Variants in BMPR1B observed in about 807,000 individuals in gnomAD.
The protein encoded by BMPR1B is bone morphogenetic protein receptor type-1B.
Under a neutral mutation model 59.1 loss-of-function variants are expected in BMPR1B, and 12 were observed. The observed-to-expected ratio is 0.20, with a 90% CI of 0.13 to 0.33. BMPR1B has a LOEUF of 0.33. Among genes scored for constraint, BMPR1B ranks in the 10% least tolerant of loss-of-function variants. The probability of loss-of-function intolerance (pLI) is 1.00; values close to 1 mark genes in which losing one functional copy is unlikely to be tolerated. For missense variants in BMPR1B, 550 were observed against 610.9 expected (o/e 0.90, Z 1.05); for synonymous variants, 237 against 207.3 (o/e 1.14, Z -1.23).
At chr4:95,092,906 A>C (rs1730097195) in intron 3 of BMPR1B, among the ~76,000 whole-genome samples, 1 of 152,152 alleles carries the variant, frequency 6.6e-6, no homozygotes, top group Admixed American at 6.6e-5. Flanking sequence ...TACTTTGATT[A>C]GCTTCGGAAC....
intron 1 of BMPR1B, among the ~76,000 whole-genome samples, chr4:94,851,295 A>G (rs1238651650): frequency 6.6e-6 from 1 of 152,198 alleles, no homozygotes; most frequent in Non-Finnish European, 1.5e-5. Context: ...ATTGGTTTCT[A>G]TGAAAGTCTG....
chr4:94,892,705 G>C (rs1015085524), intron 2 of BMPR1B, among the ~76,000 whole-genome samples: 16 of 152,028 alleles, frequency 1.1e-4, no homozygotes, highest in African/African-American at 2.7e-4. Context: ...GTGAGAGATG[G>C]AGAAATATCC....
At chr4:95,067,615 A>G (rs1319160705) in intron 3 of BMPR1B, among the ~76,000 whole-genome samples, 1 of 152,216 alleles carries the variant, frequency 6.6e-6, no homozygotes, top group African/African-American at 2.4e-5. Flanking sequence ...AGTCTTGTAA[A>G]TAATAGACGT....
chr4:94,929,793 C>T (rs562191119), intron 2 of BMPR1B, among the ~76,000 whole-genome samples: 8 of 152,116 alleles, frequency 5.3e-5, no homozygotes, highest in Admixed American at 3.3e-4. Flanking sequence ...GATTTCTGCA[C>T]GTCTCCACTT....
chr4:95,155,629 G>GT lies in BMPR1B; in HGVS notation c.*957dup, dbSNP rs1735369063. The GT allele has an allele frequency of 6.6e-6, 1 of 151,778 alleles. No homozygotes were observed. The highest frequency in any genetic ancestry group is 2.4e-5 in the African/African-American group (1 of 41,364). The allele number at this position is 151,778 out of a possible 1,614,324, so 9.4% of individuals were successfully genotyped here. On this transcript the variant is annotated 3_prime_UTR_variant, in exon 13 of 13. Transcript: ENST00000515059. ...TTTCAAATAGAGGTAATTTGCTCTT[G>GT]TGTTGTAAGAGGAACATGTCAACAA...
chr4:94,827,643 A>G (rs1013883297), intron 1 of BMPR1B, among the ~76,000 whole-genome samples: 2 of 152,090 alleles, frequency 1.3e-5, no homozygotes, highest in Non-Finnish European at 1.5e-5. Flanking sequence ...TTCTTCTCCT[A>G]ATGATTCATT....
intron 4 of BMPR1B, among the ~76,000 whole-genome samples, chr4:95,112,969 A>T (rs942698879): frequency 6.6e-6 from 1 of 152,130 alleles, no homozygotes; most frequent in Non-Finnish European, 1.5e-5. Context: ...CCTTCCTGAT[A>T]TCATAAAATT....
chr4:95,017,761 G>A (rs983953231), intron 3 of BMPR1B, among the ~76,000 whole-genome samples: 1 of 152,064 alleles, frequency 6.6e-6, no homozygotes, highest in Admixed American at 6.5e-5. Context: ...GGGAAATTTG[G>A]GTCTTGAAAT....
At chr4:95,095,266 A>G (rs1339280889) in intron 3 of BMPR1B, among the ~76,000 whole-genome samples, 1 of 152,116 alleles carries the variant, frequency 6.6e-6, no homozygotes, top group African/African-American at 2.4e-5. Context: ...TTAAAAATTA[A>G]TATTGTTTTA....
At chr4:94,998,375 CTTTT>C (rs11327811) in intron 3 of BMPR1B, among the ~76,000 whole-genome samples, 4 of 138,054 alleles carry the variant, frequency 2.9e-5, no homozygotes, top group African/African-American at 2.6e-5. Context: ...TACACTACTC[CTTTT>C]TTTTTTTTTT....
At chr4:95,036,377 T>C (rs954357841) in intron 3 of BMPR1B, among the ~76,000 whole-genome samples, 13 of 152,164 alleles carry the variant, frequency 8.5e-5, no homozygotes, top group Middle Eastern at 3.2e-3. Context: ...CCCTTCCTAG[T>C]CTCTGGTAAC....
chr4:94,811,134 G>A (rs1460490252), intron 1 of BMPR1B, among the ~76,000 whole-genome samples: 1 of 152,178 alleles, frequency 6.6e-6, no homozygotes, highest in Non-Finnish European at 1.5e-5. Context: ...CTCAAAATGT[G>A]TAGTGCTCAA....
rs115018395 is a variant in BMPR1B, at chr4:95,142,193, A to C, written c.1077-6555A>C. 2.8e-3 allele frequency among the ~76,000 whole-genome samples: 425 copies of C among 152,320 alleles called. 3 individuals are homozygous for C. The highest frequency in any genetic ancestry group is 8.9e-3 in the African/African-American group (371 of 41,574). The stretch of plus-strand genomic sequence containing the variant: ...CAGAAAACTCCCCTTATTGGTGAAC[A>C]TCTGCCAGGCAGAGTTCAATTCTGC... On this transcript the variant is annotated intron_variant, in intron 10 of 12. Transcript: ENST00000515059.
intron 1 of BMPR1B, among the ~76,000 whole-genome samples, chr4:94,841,764 C>T (rs947294659): frequency 8.5e-5 from 13 of 152,174 alleles, no homozygotes; most frequent in African/African-American, 2.4e-4. Flanking sequence ...TGTTCCTATT[C>T]GGCCATCTTG....
intron 1 of BMPR1B, among the ~76,000 whole-genome samples, chr4:94,771,974 G>A (rs764487479): frequency 2.6e-5 from 4 of 152,144 alleles, no homozygotes; most frequent in Admixed American, 6.5e-5. Context: ...ATTATAGGGA[G>A]GACCAGAAAG....
rs1212785851 is a variant in BMPR1B at position 94,758,025 on chromosome 4, A to C, written c.-226A>C. The stretch of plus-strand genomic sequence containing the variant: ...CCTCGCGGGACGCCGGGCAGTGCGG[A>C]GACCGCGGCGCTGAGGACGCGGGAG... On this transcript the variant is annotated 5_prime_UTR_variant, in exon 1 of 13. Coordinates refer to ENST00000515059, the MANE Select transcript of BMPR1B (RefSeq NM_001203.3). 1 of 144,724 alleles carries C rather than the reference A, an allele frequency of 6.9e-6. No homozygotes were observed. The highest frequency in any genetic ancestry group is 1.5e-5 in the Non-Finnish European group (1 of 65,802). The allele number at this position is 144,724 out of a possible 1,614,324, so 9.0% of individuals were successfully genotyped here.
intron 10 of BMPR1B, among the ~76,000 whole-genome samples, chr4:95,131,852 A>T (rs1055299083): frequency 2.6e-5 from 4 of 152,234 alleles, no homozygotes; most frequent in African/African-American, 9.6e-5. Context: ...TTTACAGATT[A>T]TATATGGATA....
chr4:94,783,353 A>T (rs1283465783), intron 1 of BMPR1B, among the ~76,000 whole-genome samples: 4 of 152,174 alleles, frequency 2.6e-5, no homozygotes, highest in Non-Finnish European at 5.9e-5. Context: ...CTGGCTTATA[A>T]TATAGTTTAT....
At chr4:94,926,097 C>A (rs1728881754) in intron 2 of BMPR1B, among the ~76,000 whole-genome samples, 1 of 133,330 alleles carries the variant, frequency 7.5e-6, no homozygotes, top group East Asian at 2.5e-4. Context: ...TCTCTCCCTT[C>A]CTTTCCTTCC....
Sources: allele counts gnomAD v4.1 joint callset (sites outside exome capture counted in the v4.1 genomes callset), GRCh38; gene constraint gnomAD v4.1.1; transcripts MANE v1.5; gene names NCBI Gene and HGNC (gene_info 2026-07-23, HGNC 2026-07-21).